The following PCDH15 variants were observed in gnomAD, a reference collection of about 807,000 sequenced individuals.
PCDH15 encodes protocadherin-15.
PCDH15 carries 129 observed loss-of-function variants against 178.5 expected under a neutral mutation model. The ratio of observed to expected loss-of-function variants is 0.72; its 90% confidence interval spans 0.63 to 0.84. The LOEUF (loss-of-function observed/expected upper bound fraction) is 0.84, where lower values mean the gene tolerates loss of function less well. Ranked by LOEUF, PCDH15 falls within the 40% of genes least tolerant of loss-of-function variation. The pLI is 0.00. For synonymous variants in PCDH15, 800 were observed against 732.0 expected, an observed-to-expected ratio of 1.09 and a Z score of -1.50; for missense variants, 2,230 against 2,099.9, an observed-to-expected ratio of 1.06 and a Z score of -1.21.
chr10:54,313,864 T>C (rs1404741434), intron 8 of PCDH15, among the ~76,000 whole-genome samples: 2 of 152,014 alleles, frequency 1.3e-5, no homozygotes, highest in African/African-American at 2.4e-5. Context: ...GAAAGGAAGG[T>C]CAATGATTCT....
intron 25 of PCDH15, among the ~76,000 whole-genome samples, chr10:53,935,064 A>C (rs2085449386): frequency 6.6e-6 from 1 of 152,192 alleles, no homozygotes; most frequent in African/African-American, 2.4e-5. Flanking sequence ...TGAACTCTAA[A>C]GAAAAAATAA....
intron 25 of PCDH15, among the ~76,000 whole-genome samples, chr10:53,924,239 C>G (rs1400332367): frequency 6.6e-6 from 1 of 152,158 alleles, no homozygotes; most frequent in Non-Finnish European, 1.5e-5. Flanking sequence ...AGCGTGAGTT[C>G]CGGTGGGCAT....
intron 20 of PCDH15, 100 bp from the exon 21 acceptor site, chr10:53,995,865 C>G (rs2091815768): frequency 9.7e-7 from 1 of 1,031,468 alleles, no homozygotes; most frequent in Admixed American, 1.7e-5. Flanking sequence ...AACTTATTTA[C>G]CACTGTCAGC....
intron 2 of PCDH15, among the ~76,000 whole-genome samples, chr10:55,359,520 A>G (rs1388435556): frequency 7.9e-5 from 12 of 151,866 alleles, no homozygotes; most frequent in Admixed American, 4.6e-4. Flanking sequence ...ATATGACAGT[A>G]TGGCATTTCC....
intron 1 of PCDH15, among the ~76,000 whole-genome samples, chr10:54,794,917 T>C (rs1259126732): frequency 6.6e-6 from 1 of 151,928 alleles, no homozygotes; most frequent in Non-Finnish European, 1.5e-5. Flanking sequence ...AATTCAAAAA[T>C]TGTTTAAGTT....
At chr10:54,254,353 T>C (rs1052937922) in intron 8 of PCDH15, among the ~76,000 whole-genome samples, 1 of 152,142 alleles carries the variant, frequency 6.6e-6, no homozygotes, top group Non-Finnish European at 1.5e-5. Context: ...AAAGTTTTAA[T>C]GCTTTACAGA....
At chr10:54,904,409 T>C (rs1329115046) in intron 2 of PCDH15, among the ~76,000 whole-genome samples, 1 of 151,990 alleles carries the variant, frequency 6.6e-6, no homozygotes, top group Non-Finnish European at 1.5e-5. Context: ...TGGTAGCTTA[T>C]GCCTACCCTA....
chr10:54,277,567 A>G (rs970658190), intron 8 of PCDH15, among the ~76,000 whole-genome samples: 1 of 151,722 alleles, frequency 6.6e-6, no homozygotes, highest in Non-Finnish European at 1.5e-5. Flanking sequence ...ATTATACTAA[A>G]TGATTATACA....
At chr10:54,811,408 G>T (rs926044035) in intron 3 of PCDH15, among the ~76,000 whole-genome samples, 11 of 152,116 alleles carry the variant, frequency 7.2e-5, no homozygotes, top group African/African-American at 2.7e-4. Context: ...CTTTTGTTAG[G>T]CTGTAAATTT....
At chr10:54,082,275 T>C (rs1024414875) in intron 16 of PCDH15, among the ~76,000 whole-genome samples, 2 of 152,174 alleles carry the variant, frequency 1.3e-5, no homozygotes, top group East Asian at 1.9e-4. Context: ...CTCAGAAATA[T>C]TGTAAGGCAG....
At chr10:54,294,510 T>C (rs2059623108) in intron 8 of PCDH15, among the ~76,000 whole-genome samples, 1 of 152,104 alleles carries the variant, frequency 6.6e-6, no homozygotes, top group Non-Finnish European at 1.5e-5. Flanking sequence ...ATAACGCATG[T>C]TACTAATTTA....
intron 2 of PCDH15, among the ~76,000 whole-genome samples, chr10:55,495,157 A>G (rs921064874): frequency 2.0e-5 from 3 of 151,742 alleles, no homozygotes; most frequent in African/African-American, 7.2e-5. Flanking sequence ...CTCTTACAGG[A>G]AAAAATAGGT....
At chr10:55,410,507 G>T (rs114555531) in intron 2 of PCDH15, among the ~76,000 whole-genome samples, 65 of 152,198 alleles carry the variant, frequency 4.3e-4, no homozygotes, top group African/African-American at 1.6e-3. Flanking sequence ...CTGATTTGCT[G>T]CAGGATAATT....
At position 54,538,334 on chromosome 10, in the gene PCDH15, C is replaced by T. The variant is rs375466522; in HGVS notation, c.92-10457G>A. On this transcript the variant is annotated intron_variant, in intron 2 of 37. Coordinates refer to ENST00000644397, the MANE Select transcript of PCDH15 (RefSeq NM_001384140.1). ...CCAGTTTAATTCTGTATGTGGCTAG[C>T]CAGTTAACTCAGCACCATTTGTTGA... 2.0e-5 allele frequency among the ~76,000 whole-genome samples: 3 copies of T among 152,054 alleles called. No homozygotes were observed. In the East Asian group the frequency reaches 5.9e-4, roughly 30 times the overall value.
intron 2 of PCDH15, among the ~76,000 whole-genome samples, chr10:54,927,302 G>A (rs748555796): frequency 6.6e-6 from 1 of 151,980 alleles, no homozygotes; most frequent in Non-Finnish European, 1.5e-5. Context: ...CAAGATAGTG[G>A]TTGTTATGAT....
intron 2 of PCDH15, among the ~76,000 whole-genome samples, chr10:54,903,012 A>G (rs374665780): frequency 1.3e-5 from 2 of 152,168 alleles, no homozygotes; most frequent in African/African-American, 4.8e-5. Context: ...TTAACAAGTA[A>G]TGGCTTTTAT....
chr10:53,832,511 C>T (rs1427895194), intron 29 of PCDH15, among the ~76,000 whole-genome samples: 2 of 151,856 alleles, frequency 1.3e-5, no homozygotes, highest in African/African-American at 2.4e-5. Context: ...AACACAATTA[C>T]TCATAGTCCC....
rs565234834 is a variant in PCDH15, at chr10:54,586,942, C to T, written c.92-59065G>A. 1.3e-4 allele frequency among the ~76,000 whole-genome samples: 20 copies of T among 152,104 alleles called. No individual in the cohort carries two copies. The South Asian group carries it at 3.7e-3, about 28-fold the overall frequency. On this transcript the variant is annotated intron_variant, in intron 2 of 37. Coordinates refer to ENST00000644397, the MANE Select transcript of PCDH15 (RefSeq NM_001384140.1). Reference sequence around the variant, plus strand: ...TTGTCTGTTTTGTTCTCTGTTATTTCGCAAACACAGATACTCAGTACATAT... The same window carrying T: ...TTGTCTGTTTTGTTCTCTGTTATTTTGCAAACACAGATACTCAGTACATAT...
At position 54,325,423 on chromosome 10, in the gene PCDH15, A is replaced by G. The variant is rs11004235; in HGVS notation, c.705+4173T>C. Reference sequence around the variant, plus strand: ...GATAATATATTGGTGCTTAATGTACATGACTTACATTGTGCATACCACCAA... The same window carrying G: ...GATAATATATTGGTGCTTAATGTACGTGACTTACATTGTGCATACCACCAA... On this transcript the variant is annotated intron_variant, in intron 7 of 37. Transcript: ENST00000644397. Among the ~76,000 whole-genome samples, 893 of 152,194 alleles carry G rather than the reference A, an allele frequency of 5.9e-3. 12 individuals carry two copies. Among genetic ancestry groups the G allele is most frequent in the African/African-American group, 0.021 (875 of 41,542 alleles).
Sources: gnomAD v4.1 joint callset for allele counts (sites outside exome capture counted in the v4.1 genomes callset) on GRCh38, gnomAD v4.1.1 for gene constraint, MANE v1.5 for transcripts, NCBI Gene and HGNC (gene_info 2026-07-23, HGNC 2026-07-21) for gene names.